Variants in RIMS1 observed in about 807,000 individuals in gnomAD.
The protein encoded by RIMS1 is regulating synaptic membrane exocytosis 1.
RIMS1 carries 83 observed loss-of-function variants against 214.1 expected under a neutral mutation model. The ratio of observed to expected loss-of-function variants is 0.39; its 90% CI spans 0.32 to 0.47. The LOEUF (loss-of-function observed/expected upper bound fraction) is 0.47, where lower values mean the gene tolerates loss of function less well. RIMS1 is among the 20% of genes least tolerant of loss of function. RIMS1 has a pLI of 0.99. For missense variants in RIMS1, 2,050 were observed against 2,161.8 expected, an observed-to-expected ratio of 0.95 and a Z score of 1.03; for synonymous variants, 793 against 786.8, an observed-to-expected ratio of 1.01 and a Z score of -0.13.
chr6:72,340,254 A>G (rs372961721), intron 29 of RIMS1, among the ~76,000 whole-genome samples: 3,072 of 151,860 alleles, frequency 0.02, 66 homozygotes, highest in African/African-American at 0.055. Context: ...CTCTGATGGT[A>G]GTTTCTTTTG....
Position 72,307,323 on chromosome 6 carries a change from AC to A in RIMS1, c.3917del (p.Thr1306LysfsTer91). ...GAAAGTGCATCGATTTAAGCAGACA[AC>A]AGGGTCTGGTTCTAGTCAAGAACTT... ...KMKVHRFKQT[T>X]GSGSSQELDR... On this transcript the variant is annotated frameshift_variant, in exon 27 of 34. Coordinates refer to ENST00000521978, the MANE Select transcript of RIMS1 (RefSeq NM_014989.7). 6.2e-7 allele frequency: 1 copy of A among 1,606,274 alleles called. No homozygotes were observed. The highest frequency in any genetic ancestry group is 1.1e-5 in the South Asian group (1 of 88,742).
chr6:72,136,677 A>G (rs796714312), intron 4 of RIMS1, among the ~76,000 whole-genome samples: 19 of 152,226 alleles, frequency 1.2e-4, no homozygotes, highest in African/African-American at 4.1e-4. Flanking sequence ...ATGATCAAAT[A>G]ATATTTACTT....
At chr6:72,352,305 C>T (rs564249395) in intron 29 of RIMS1, among the ~76,000 whole-genome samples, 3 of 152,280 alleles carry the variant, frequency 2.0e-5, no homozygotes, top group African/African-American at 4.8e-5. Context: ...TACAATGAGT[C>T]ATACTGGCAC....
At chr6:72,004,653 C>T (rs1328272038) in intron 2 of RIMS1, among the ~76,000 whole-genome samples, 4 of 149,818 alleles carry the variant, frequency 2.7e-5, no homozygotes, top group African/African-American at 9.7e-5. Flanking sequence ...TGTCTTTTGG[C>T]TGCATAAATG....
At chr6:72,009,500 C>G (rs943982757) in intron 2 of RIMS1, among the ~76,000 whole-genome samples, 4 of 151,940 alleles carry the variant, frequency 2.6e-5, no homozygotes, top group Admixed American at 6.6e-5. Context: ...GAAATAGAGA[C>G]ACAAAAAACC....
chr6:72,181,346 G>A (rs1046640715), intron 5 of RIMS1, among the ~76,000 whole-genome samples: 13 of 152,188 alleles, frequency 8.5e-5, no homozygotes, highest in Admixed American at 5.9e-4. Flanking sequence ...GGACACCAGA[G>A]ATATCTCAGG....
At position 72,377,767 on chromosome 6, in the gene RIMS1, T is replaced by C. The variant is rs149066478; in HGVS notation, c.4367-12831T>C. On this transcript the variant is annotated intron_variant, in intron 29 of 33. Transcript: ENST00000521978. ...TCATGGCCAATCCTGATATGATCAATGTATACAACTAAAAGATGTAAAGGA... is the reference window on the plus strand; with the variant it reads ...TCATGGCCAATCCTGATATGATCAACGTATACAACTAAAAGATGTAAAGGA... 3.0e-3 allele frequency among the ~76,000 whole-genome samples: 461 copies of C among 152,340 alleles called. 1 individual carries two copies. Among genetic ancestry groups the C allele is most frequent in the African/African-American group, 9.5e-3 (396 of 41,588 alleles).
At chr6:72,308,256 C>T (rs1486975699) in intron 27 of RIMS1, among the ~76,000 whole-genome samples, 1 of 151,962 alleles carries the variant, frequency 6.6e-6, no homozygotes, top group Non-Finnish European at 1.5e-5. Flanking sequence ...AGTTTATAAA[C>T]TGCTAATATC....
intron 29 of RIMS1, among the ~76,000 whole-genome samples, chr6:72,367,544 G>A (rs2098077808): frequency 6.6e-6 from 1 of 152,116 alleles, no homozygotes; most frequent in South Asian, 2.1e-4. Flanking sequence ...TGTGCTTTCA[G>A]AAAAAGTGTG....
At chr6:72,385,483 A>G (rs1009995073) in intron 29 of RIMS1, among the ~76,000 whole-genome samples, 4 of 150,906 alleles carry the variant, frequency 2.7e-5, no homozygotes, top group South Asian at 2.1e-4. Context: ...CCATTGTTCT[A>G]TTTGCAAAAT....
At chr6:72,165,961 A>C (rs911203439) in intron 4 of RIMS1, among the ~76,000 whole-genome samples, 1 of 152,166 alleles carries the variant, frequency 6.6e-6, no homozygotes, top group African/African-American at 2.4e-5. Context: ...GTCTGCATTT[A>C]TTTTGCTCTT....
chr6:72,146,218 T>G (rs181997091), intron 4 of RIMS1, among the ~76,000 whole-genome samples: 1 of 152,164 alleles, frequency 6.6e-6, no homozygotes, highest in African/African-American at 2.4e-5. Context: ...TCTCAAATAT[T>G]TTTAAAAAGG....
At chr6:72,278,249 A>G (rs1259828482) in intron 23 of RIMS1, among the ~76,000 whole-genome samples, 1 of 152,086 alleles carries the variant, frequency 6.6e-6, no homozygotes, top group East Asian at 1.9e-4. Context: ...AATACCAAAA[A>G]TATTTGGTTA....
At chr6:72,334,359 G>A (rs1390105827) in intron 29 of RIMS1, among the ~76,000 whole-genome samples, 3 of 151,790 alleles carry the variant, frequency 2.0e-5, no homozygotes, top group Non-Finnish European at 2.9e-5. Flanking sequence ...TGGGTCAGTG[G>A]TTTTATGCAA....
chr6:72,011,952 T>C (rs866931076), intron 2 of RIMS1, among the ~76,000 whole-genome samples: 2,001 of 152,160 alleles, frequency 0.013, 41 homozygotes, highest in African/African-American at 0.045. Context: ...ACTAGAAATA[T>C]CATTTGACCC....
chr6:72,143,093 G>A (rs146560003), intron 4 of RIMS1, among the ~76,000 whole-genome samples: 3 of 152,248 alleles, frequency 2.0e-5, no homozygotes, highest in Non-Finnish European at 4.4e-5. Flanking sequence ...GTTCATGGTG[G>A]TTGATGTGCC....
At chr6:72,017,245 C>T (rs1813062796) in intron 2 of RIMS1, among the ~76,000 whole-genome samples, 1 of 152,152 alleles carries the variant, frequency 6.6e-6, no homozygotes, top group African/African-American at 2.4e-5. Flanking sequence ...GTTATTAATA[C>T]TTAAATTTCA....
At position 72,271,279 on chromosome 6, in the gene RIMS1, AAAAAAAAATATATAT is replaced by A. The variant is rs1173879902; in HGVS notation, c.3399-3068_3399-3054del. On this transcript the variant is annotated intron_variant, in intron 22 of 33. Transcript: ENST00000521978. ...AGACTCCATCTCAAGGAAAAAAAAA[AAAAAAAAATATATAT>A]ATATATATATATATATATATATGTT... Among the ~76,000 whole-genome samples, 4 of 66,846 alleles carry A rather than the reference AAAAAAAAATATATAT, an allele frequency of 6.0e-5. 1 individual carries two copies. The highest frequency in any genetic ancestry group is 8.4e-5 in the Non-Finnish European group (3 of 35,618). The allele number at this position is 66,846 out of a possible 152,430, so 43.9% of individuals were successfully genotyped here.
Position 72,213,626 on chromosome 6 carries a change from G to A in RIMS1, c.1679-20147G>A, listed in dbSNP as rs145160609. On this transcript the variant is annotated intron_variant, in intron 6 of 33. Transcript: ENST00000521978. ...TGCTTTACTATCTCATACAAAGAATGAGAAATACATGACAAATTGCAGTAA... is the reference window on the plus strand; with the variant it reads ...TGCTTTACTATCTCATACAAAGAATAAGAAATACATGACAAATTGCAGTAA... Among the ~76,000 whole-genome samples, 1,262 of 152,140 alleles carry A rather than the reference G, an allele frequency of 8.3e-3. 10 individuals carry two copies. The highest frequency in any genetic ancestry group is 0.027 in the Middle Eastern group (8 of 294).
Sources: allele counts gnomAD v4.1 joint callset (sites outside exome capture counted in the v4.1 genomes callset), GRCh38; gene constraint gnomAD v4.1.1; transcripts MANE v1.5; gene names NCBI Gene and HGNC (gene_info 2026-07-23, HGNC 2026-07-21).